The following CRB1 variants were observed in gnomAD, a reference collection of about 807,000 sequenced individuals.
CRB1 encodes protein crumbs homolog 1.
Under a neutral mutation model 120.0 loss-of-function variants are expected in CRB1, and 83 were observed. The observed-to-expected ratio is 0.69, with a 90% CI of 0.58 to 0.83. The LOEUF (loss-of-function observed/expected upper bound fraction) is 0.83, where lower values mean the gene tolerates loss of function less well. Ranked by LOEUF, CRB1 falls within the 40% of genes least tolerant of loss-of-function variation. The pLI is 0.00. For missense variants in CRB1, 1,699 were observed against 1,687.6 expected, an observed-to-expected ratio of 1.01 and a Z score of -0.12; for synonymous variants, 625 against 612.5, an observed-to-expected ratio of 1.02 and a Z score of -0.30.
intron 6 of CRB1, among the ~76,000 whole-genome samples, chr1:197,424,262 AAGTT>A (rs1664470841): frequency 6.6e-6 from 1 of 152,164 alleles, no homozygotes; most frequent in African/African-American, 2.4e-5. Context: ...AATTGCCCAA[AAGTT>A]ATTTCCTTAT....
In CRB1 at chr1:197,344,375, C is replaced by T. The variant is rs1449307743; in HGVS notation, c.747C>T (p.Asp249=). 6.2e-7 allele frequency: 1 copy of T among 1,614,140 alleles called. No individual in the cohort carries two copies. The highest frequency in any genetic ancestry group is 2.2e-5 in the East Asian group (1 of 44,876). ...ATGCTCTGGGGGCCTATTTCTGCGACTGTGCCCCTGGATTCCTGGGGGATC... is the reference window on the plus strand; with the variant it reads ...ATGCTCTGGGGGCCTATTTCTGCGATTGTGCCCCTGGATTCCTGGGGGATC... ...CQDALGAYFC[D]CAPGFLGDHC... is the part of the protein sequence containing the mutation. The change falls in exon 3 of 12, where the codon GAC becomes GAT. Residue 249 remains aspartate (D), a synonymous_variant. Coordinates refer to ENST00000367400, the MANE Select transcript of CRB1 (RefSeq NM_201253.3).
At chr1:197,229,824 T>C in the CRB1 span, among the ~76,000 whole-genome samples, 1 of 152,130 alleles carries the variant, frequency 6.6e-6, no homozygotes, top group African/African-American at 2.4e-5. Context: ...TTCTAAGGCC[T>C]TTTCCTCACG....
chr1:197,375,861 C>T (rs1188483807), intron 5 of CRB1, among the ~76,000 whole-genome samples: 1 of 152,128 alleles, frequency 6.6e-6, no homozygotes, highest in East Asian at 1.9e-4. Flanking sequence ...CTTCTGTATT[C>T]CACCCTCCTC....
chr1:197,453,858 T>TTG (rs1666122650), intron 11 of CRB1, among the ~76,000 whole-genome samples: 1 of 142,164 alleles, frequency 7.0e-6, no homozygotes, highest in African/African-American at 2.6e-5. Context: ...ATTATTAATA[T>TTG]ATATTAATAT....
At chr1:197,377,673 C>T (rs1303599497) in intron 5 of CRB1, among the ~76,000 whole-genome samples, 1 of 152,178 alleles carries the variant, frequency 6.6e-6, no homozygotes, top group East Asian at 1.9e-4. Flanking sequence ...GAGTATCTAA[C>T]ACCTTATCTT....
intron 1 of CRB1, among the ~76,000 whole-genome samples, chr1:197,303,122 T>G (rs1012602618): frequency 5.3e-5 from 8 of 151,626 alleles, no homozygotes; most frequent in Admixed American, 2.6e-4. Context: ...TTTATTTATT[T>G]ATTTATTTAT....
At chr1:197,357,999 C>T (rs1660580780) in intron 5 of CRB1, 1 of 152,070 alleles carries the variant, frequency 6.6e-6, no homozygotes, top group Non-Finnish European at 1.5e-5. Flanking sequence ...TGCTTTCCAC[C>T]CTAGTTTAAA....
chr1:197,432,256 A>G (rs940210653), intron 8 of CRB1, among the ~76,000 whole-genome samples: 9 of 151,932 alleles, frequency 5.9e-5, no homozygotes, highest in African/African-American at 2.2e-4. Context: ...TCAGAGTTGG[A>G]GAATTTTGGA....
chr1:197,394,079 G>A (rs1662648010), intron 5 of CRB1, among the ~76,000 whole-genome samples: 1 of 151,990 alleles, frequency 6.6e-6, no homozygotes, highest in Non-Finnish European at 1.5e-5. Context: ...CCAACTATAT[G>A]CAGATTTTCT....
chr1:197,336,356 T>C (rs913824141), intron 2 of CRB1, among the ~76,000 whole-genome samples: 1 of 152,204 alleles, frequency 6.6e-6, no homozygotes, highest in Non-Finnish European at 1.5e-5. Flanking sequence ...CTGTGGCAAA[T>C]AATATAGATA....
At chr1:197,254,660 T>C in the CRB1 span, among the ~76,000 whole-genome samples, 2 of 152,076 alleles carry the variant, frequency 1.3e-5, no homozygotes, top group African/African-American at 4.8e-5. Flanking sequence ...TCCAAATCAG[T>C]TTTTTAAAGA....
chr1:197,319,517 C>G (rs920815418), intron 1 of CRB1, among the ~76,000 whole-genome samples: 14 of 141,298 alleles, frequency 9.9e-5, no homozygotes, highest in African/African-American at 3.6e-4. Context: ...TTTCTTAATA[C>G]TTTTGAGTTC....
In CRB1 at chr1:197,431,958, A is replaced by G. The variant is rs145361564; in HGVS notation, c.2842+2344A>G. Among the ~76,000 whole-genome samples the G allele has an allele frequency of 7.1e-4, 108 of 152,280 alleles. No individual in the cohort carries two copies. The East Asian group carries it at 0.02, about 28-fold the overall frequency. On this transcript the variant is annotated intron_variant, in intron 8 of 11. Transcript: ENST00000367400. ...TTTCTTTCCAACTAAAATATATTGA[A>G]AAGATTAAGTCTAATGGAACAAGAT...
At position 197,477,883 on chromosome 1, in the gene CRB1, C is replaced by A; in HGVS notation, c.*4C>A. 2 of 1,613,192 alleles carry A rather than the reference C, an allele frequency of 1.2e-6. No individual in the cohort carries two copies. Among genetic ancestry groups the A allele is most frequent in the South Asian group, 1.1e-5 (1 of 91,044 alleles). On this transcript the variant is annotated 3_prime_UTR_variant, in exon 12 of 12. Coordinates refer to ENST00000367400, the MANE Select transcript of CRB1 (RefSeq NM_201253.3). The stretch of plus-strand genomic sequence containing the variant: ...TGCAATGGAGAGACTGATTTAGGAG[C>A]ATTGTGTCCCTTCGAGATGGGGATC...
intron 5 of CRB1, among the ~76,000 whole-genome samples, chr1:197,415,307 C>G (rs1365038831): frequency 6.6e-6 from 1 of 152,178 alleles, no homozygotes; most frequent in Non-Finnish European, 1.5e-5. Context: ...TTTCTTCCCA[C>G]TTCATTCTGT....
At chr1:197,275,992 A>G (rs2125208656) in intron 1 of CRB1, among the ~76,000 whole-genome samples, 1 of 151,996 alleles carries the variant, frequency 6.6e-6, no homozygotes, top group African/African-American at 2.4e-5. Flanking sequence ...ATTGGTTGCT[A>G]TGGTTAGCAC....
intron 1 of CRB1, among the ~76,000 whole-genome samples, chr1:197,301,270 A>C (rs1054732438): frequency 1.5e-4 from 22 of 151,436 alleles, no homozygotes; most frequent in African/African-American, 5.3e-4. Context: ...GGTTCAAATG[A>C]TTCTCTTGCC....
chr1:197,323,529 C>T (rs925390275), intron 1 of CRB1, among the ~76,000 whole-genome samples: 3 of 152,048 alleles, frequency 2.0e-5, no homozygotes, highest in African/African-American at 7.3e-5. Context: ...AAAGCCTGTC[C>T]TTATTAAAAT....
intron 9 of CRB1, 38 bp downstream of exon 9, chr1:197,435,650 C>A: frequency 3.3e-6 from 5 of 1,535,676 alleles, no homozygotes; most frequent in Non-Finnish European, 4.5e-6. Flanking sequence ...GTCTTTGAAG[C>A]TATACTCTGC....
Sources: allele counts gnomAD v4.1 joint callset (sites outside exome capture counted in the v4.1 genomes callset), GRCh38; gene constraint gnomAD v4.1.1; transcripts MANE v1.5; gene names NCBI Gene and HGNC (gene_info 2026-07-23, HGNC 2026-07-21).